MMS19: variants seen among roughly 807,000 people sequenced by gnomAD.
MMS19 encodes MMS19 cytosolic iron-sulfur assembly component.
A neutral mutation model predicts 129.8 loss-of-function variants in MMS19; 77 were observed. The observed-to-expected ratio is 0.59, with a 90% CI of 0.49 to 0.72. The LOEUF is 0.72. MMS19 is among the 30% of genes least tolerant of loss of function. MMS19 has a pLI of 0.00. For synonymous variants in MMS19, 491 were observed against 502.8 expected, an observed-to-expected ratio of 0.98 and a Z score of 0.31; for missense variants, 1,168 against 1,266.3, an observed-to-expected ratio of 0.92 and a Z score of 1.18.
chr10:97,480,095 C>T (rs1466384496), intron 3 of MMS19: 3 of 355,346 alleles, frequency 8.4e-6, no homozygotes, highest in African/African-American at 2.2e-5. Flanking sequence ...TGTAGAATAT[C>T]ATGGTGCCCT....
At chr10:97,485,760 A>C (rs1435051748) in intron 1 of MMS19, among the ~76,000 whole-genome samples, 1 of 152,256 alleles carries the variant, frequency 6.6e-6, no homozygotes, top group Non-Finnish European at 1.5e-5. Flanking sequence ...TGAAAATTTT[A>C]AAGCACTAGT....
At chr10:97,481,588 G>A (rs2036806101) in intron 2 of MMS19, among the ~76,000 whole-genome samples, 2 of 152,154 alleles carry the variant, frequency 1.3e-5, no homozygotes, top group Admixed American at 1.3e-4. Flanking sequence ...AAGAGGGCCA[G>A]AATATAGCTT....
chr10:97,497,947 G>C (rs1194000896), intron 1 of MMS19, among the ~76,000 whole-genome samples: 1 of 152,222 alleles, frequency 6.6e-6, no homozygotes, highest in Non-Finnish European at 1.5e-5. Flanking sequence ...CTGAACGCCT[G>C]GGTCCGAGTC....
chr10:97,462,914 G>C (rs1344537880), intron 19 of MMS19: 1 of 446,108 alleles, frequency 2.2e-6, no homozygotes, highest in Non-Finnish European at 4.0e-6. Flanking sequence ...CTTTAGACTA[G>C]GCCAACAGTG....
At chr10:97,497,825 T>C (rs1036208770) in intron 1 of MMS19, among the ~76,000 whole-genome samples, 2 of 152,174 alleles carry the variant, frequency 1.3e-5, no homozygotes, top group Non-Finnish European at 2.9e-5. Context: ...CGCGGGGCCA[T>C]CTGCCACTCC....
chr10:97,468,888 C>A, intron 12 of MMS19, 78 bp downstream of exon 12: 9 of 1,471,188 alleles, frequency 6.1e-6, no homozygotes, highest in South Asian at 3.8e-5. Flanking sequence ...GGATTACAGG[C>A]GTGAGCCACC....
rs1327771147 is a variant in MMS19, at chr10:97,469,020, G to A, written c.1009C>T (p.Leu337=). The part of the protein sequence containing the change: ...SLTACLSRSV[L]RADAEDLLDS... ...AGGAGGTCCTCAGCATCAGCCCTCA[G>A]CACAGAGCGAGACAAACACGCAGTC... The change falls in exon 12 of 31, where the codon CTG becomes TTG. Residue 337 remains leucine, a synonymous_variant. Transcript: ENST00000438925. The A allele has an allele frequency of 6.3e-7, 1 of 1,587,368 alleles. No individual in the cohort carries two copies. Among genetic ancestry groups the A allele is most frequent in the Admixed American group, 1.8e-5 (1 of 56,428 alleles).
Position 97,472,302 on chromosome 10 carries a change from C to T in MMS19, c.685-1441G>A, listed in dbSNP as rs191441035. On this transcript the variant is annotated intron_variant, in intron 8 of 30. Coordinates refer to ENST00000438925, the MANE Select transcript of MMS19 (RefSeq NM_022362.5). ...TTACACAAGCTGGAGTGCAATGGCA[C>T]GATCTTGGCTCACTGCAGCCTCTGC... is the stretch of plus-strand genomic sequence containing the variant. Among the ~76,000 whole-genome samples the T allele has an allele frequency of 7.2e-3, 1,092 of 152,266 alleles. 5 individuals carry two copies. The highest frequency in any genetic ancestry group is 1.0e-2 in the Non-Finnish European group (677 of 68,026).
intron 3 of MMS19, among the ~76,000 whole-genome samples, chr10:97,479,434 C>T (rs1462081210): frequency 6.6e-6 from 1 of 152,144 alleles, no homozygotes; most frequent in Non-Finnish European, 1.5e-5. Flanking sequence ...CGCCCCTTTT[C>T]AGTAGGAAGT....
Position 97,460,304 on chromosome 10 carries a change from G to A in MMS19, c.2470-72C>T, listed in dbSNP as rs569023655. The A allele has an allele frequency of 2.0e-3, 2,804 of 1,416,376 alleles. 7 individuals carry two copies. The highest frequency in any genetic ancestry group is 2.5e-3 in the Non-Finnish European group (2,639 of 1,036,522). The allele number at this position is 1,416,376 out of a possible 1,614,324, so 87.7% of individuals were successfully genotyped here. ...AAGTGCCAAAGATAAGGATGGGGCC[G>A]GGTGTGGTGGCTCATGCCTGTAATC... On this transcript the variant is annotated intron_variant, in intron 25 of 30. Transcript: ENST00000438925.
At chr10:97,477,514 C>G (rs190410254) in intron 5 of MMS19, 98 bp from the exon 6 acceptor site, 1 of 1,493,230 alleles carries the variant, frequency 6.7e-7, no homozygotes, top group African/African-American at 1.4e-5. Flanking sequence ...GAACAGTGCT[C>G]TTTATACCAG....
intron 1 of MMS19, among the ~76,000 whole-genome samples, chr10:97,487,717 T>C (rs2135512282): frequency 6.6e-6 from 1 of 152,142 alleles, no homozygotes; most frequent in Non-Finnish European, 1.5e-5. Context: ...ATAATGATCA[T>C]AGGACAAACT....
intron 26 of MMS19, 22 bp downstream of exon 26, chr10:97,460,024 G>GA: frequency 6.2e-7 from 1 of 1,610,058 alleles, no homozygotes; most frequent in Non-Finnish European, 8.5e-7. Flanking sequence ...TATATGTGGG[G>GA]ACCTTCTTTC....
Position 97,477,936 on chromosome 10 carries a change from G to A in MMS19, c.349-7C>T. The stretch of plus-strand genomic sequence containing the variant: ...GCAGGGCCACACACAGGCTCTGGGG[G>A]AGAGGAGAAGGTACGTGAATACCGA... On this transcript the variant is annotated splice_region_variant and splice_polypyrimidine_tract_variant and intron_variant, in intron 4 of 30. Transcript: ENST00000438925. 3 of 1,585,452 alleles carry A rather than the reference G, an allele frequency of 1.9e-6. No individual in the cohort carries two copies. Among genetic ancestry groups the A allele is most frequent in the Non-Finnish European group, 2.6e-6 (3 of 1,168,608 alleles).
In MMS19 at chr10:97,462,104, A is replaced by G; in HGVS notation, c.2028T>C (p.Ser676=). Residue 676 remains serine, a synonymous_variant, in exon 21 of 31, where the codon AGT becomes AGC. Coordinates refer to ENST00000438925, the MANE Select transcript of MMS19 (RefSeq NM_022362.5). The part of the protein sequence containing the change: ...THLSPELAAQ[S]VTHIVPLFLD... ...AGAAGAGGGGCACAATGTGTGTCAC[A>G]CTCTGGGCAGCTAACCTGGGGGCAG... 6.3e-7 allele frequency: 1 copy of G among 1,579,294 alleles called. No individual in the cohort carries two copies. The highest frequency in any genetic ancestry group is 8.6e-7 in the Non-Finnish European group (1 of 1,162,052).
chr10:97,488,544 G>A (rs780198791), intron 1 of MMS19, among the ~76,000 whole-genome samples: 2 of 152,184 alleles, frequency 1.3e-5, no homozygotes, highest in Non-Finnish European at 2.9e-5. Flanking sequence ...AAAATGGTAA[G>A]AGTATTTGCA....
Position 97,459,648 on chromosome 10 carries a change from G to T in MMS19, c.2739+11C>A, listed in dbSNP as rs200090090. 8.5e-6 allele frequency: 7 copies of T among 826,904 alleles called. No individual in the cohort carries two copies. The highest frequency in any genetic ancestry group is 1.6e-4 in the East Asian group (2 of 12,560). 51.2% of individuals were successfully genotyped at this position (826,904 alleles called of 1,614,324 possible). A position where few individuals can be genotyped will look rare whatever the true frequency, so the allele number is the denominator to read the frequency against. ...TGTCCTTTGCTTAGAAGCTCTGCCTGTGGGACTTACCGTGGGCAGCTCTGG... is the reference window on the plus strand; with the variant it reads ...TGTCCTTTGCTTAGAAGCTCTGCCTTTGGGACTTACCGTGGGCAGCTCTGG... On this transcript the variant is annotated intron_variant, in intron 27 of 30. Transcript: ENST00000438925.
At chr10:97,482,737 TACACACAC>T (rs764606344) in intron 2 of MMS19, among the ~76,000 whole-genome samples, 26 of 98,392 alleles carry the variant, frequency 2.6e-4, no homozygotes, top group African/African-American at 5.9e-4. Context: ...TGTATATATA[TACACACAC>T]ACACACACAC....
chr10:97,466,431 C>G, intron 16 of MMS19, 73 bp downstream of exon 16: 1 of 1,229,634 alleles, frequency 8.1e-7, no homozygotes, highest in South Asian at 1.2e-5. Context: ...GAGCCCTGGT[C>G]CTAGCTTGAT....
Sources: gnomAD v4.1 joint callset for allele counts (sites outside exome capture counted in the v4.1 genomes callset) on GRCh38, gnomAD v4.1.1 for gene constraint, MANE v1.5 for transcripts, NCBI Gene and HGNC (gene_info 2026-07-23, HGNC 2026-07-21) for gene names.